The following SHANK2 variants were observed in gnomAD, a reference collection of about 807,000 sequenced individuals.
The protein encoded by SHANK2 is SH3 and multiple ankyrin repeat domains protein 2.
A neutral mutation model predicts 133.7 loss-of-function variants in SHANK2; 43 were observed. The observed-to-expected ratio is 0.32, with a 90% CI of 0.25 to 0.41. SHANK2 has a LOEUF of 0.41. SHANK2 is among the 10% of genes least tolerant of loss of function. The pLI is 1.00. For missense variants in SHANK2, 1,994 were observed against 2,235.8 expected, an observed-to-expected ratio of 0.89 and a Z score of 2.18; for synonymous variants, 1,017 against 952.8, an observed-to-expected ratio of 1.07 and a Z score of -1.24.
intron 16 of SHANK2, 53 bp from the exon 17 acceptor site, chr11:70,660,005 C>G: frequency 6.2e-7 from 1 of 1,613,362 alleles, no homozygotes; most frequent in South Asian, 1.1e-5. Flanking sequence ...CTTCCAAGTT[C>G]ACATTGCCTG....
intron 17 of SHANK2, among the ~76,000 whole-genome samples, chr11:70,545,203 G>C (rs981705823): frequency 3.3e-5 from 5 of 152,360 alleles, no homozygotes; most frequent in South Asian, 2.1e-4. Flanking sequence ...CCCTGGGCTC[G>C]CGCTGTCTGA....
At chr11:70,607,870 T>A (rs1390785065) in intron 17 of SHANK2, among the ~76,000 whole-genome samples, 1 of 152,192 alleles carries the variant, frequency 6.6e-6, no homozygotes, top group Non-Finnish European at 1.5e-5. Context: ...GAGTATTCTG[T>A]CTCTTGGACA....
intron 11 of SHANK2, among the ~76,000 whole-genome samples, chr11:70,870,709 G>A (rs1949445453): frequency 6.6e-6 from 1 of 152,232 alleles, no homozygotes; most frequent in Non-Finnish European, 1.5e-5. Context: ...ATCACCCAGA[G>A]CTCTGCCTTC....
chr11:71,121,722 C>T (rs1323225359), intron 3 of SHANK2, among the ~76,000 whole-genome samples: 2 of 152,110 alleles, frequency 1.3e-5, no homozygotes, highest in African/African-American at 4.8e-5. Context: ...GTCTTTAATC[C>T]ATCGTGAATT....
intron 14 of SHANK2, among the ~76,000 whole-genome samples, chr11:70,736,691 T>C (rs1946411551): frequency 6.6e-6 from 1 of 152,192 alleles, no homozygotes. Flanking sequence ...TCTGCTGTTC[T>C]GAGCCACCCA....
At chr11:71,168,386 G>T (rs1400590738) in intron 2 of SHANK2, among the ~76,000 whole-genome samples, 2 of 150,270 alleles carry the variant, frequency 1.3e-5, no homozygotes, top group East Asian at 4.0e-4. Context: ...GACGATGGGC[G>T]GCCGGGCAGA....
chr11:70,901,011 G>A (rs574817111), intron 10 of SHANK2, among the ~76,000 whole-genome samples: 8 of 152,292 alleles, frequency 5.3e-5, no homozygotes, highest in African/African-American at 1.7e-4. Flanking sequence ...AGACACAGCC[G>A]AGGCTCAGGT....
At chr11:71,141,818 C>T (rs1440121670) in intron 3 of SHANK2, among the ~76,000 whole-genome samples, 1 of 152,178 alleles carries the variant, frequency 6.6e-6, no homozygotes, top group Admixed American at 6.5e-5. Context: ...GGAATTCACC[C>T]ATGCACTATG....
intron 9 of SHANK2, among the ~76,000 whole-genome samples, chr11:71,071,162 A>G (rs1951136774): frequency 6.6e-6 from 1 of 152,352 alleles, no homozygotes; most frequent in African/African-American, 2.4e-5. Flanking sequence ...CATCCAAAGC[A>G]GTAATTAGGA....
intron 17 of SHANK2, among the ~76,000 whole-genome samples, chr11:70,556,171 A>G (rs2059826376): frequency 6.6e-6 from 1 of 152,202 alleles, no homozygotes. Context: ...AGTTTCCTCC[A>G]TATATTTTGT....
intron 15 of SHANK2, among the ~76,000 whole-genome samples, chr11:70,684,325 G>C (rs183378021): frequency 2.4e-4 from 36 of 152,290 alleles, no homozygotes; most frequent in African/African-American, 7.5e-4. Context: ...GGGAGGCAGA[G>C]GTGGGAGGAT....
At chr11:70,897,201 T>C (rs1257084424) in intron 10 of SHANK2, among the ~76,000 whole-genome samples, 7 of 152,016 alleles carry the variant, frequency 4.6e-5, no homozygotes, top group Non-Finnish European at 7.4e-5. Context: ...AAGCCAAGTA[T>C]CCTAGGATGG....
chr11:70,560,138 C>T (rs954937770), intron 17 of SHANK2, among the ~76,000 whole-genome samples: 1 of 152,146 alleles, frequency 6.6e-6, no homozygotes, highest in African/African-American at 2.4e-5. Context: ...TCCCAAAGTG[C>T]TTGGATTACA....
At chr11:70,710,110 AC>A (rs1591772573) in intron 14 of SHANK2, among the ~76,000 whole-genome samples, 1 of 151,986 alleles carries the variant, frequency 6.6e-6, no homozygotes, top group Admixed American at 6.5e-5. Flanking sequence ...TGCACTGAAA[AC>A]CCCTGTCCTG....
intron 11 of SHANK2, among the ~76,000 whole-genome samples, chr11:70,861,362 A>C (rs1949255680): frequency 6.6e-6 from 1 of 152,320 alleles, no homozygotes; most frequent in African/African-American, 2.4e-5. Context: ...CTGATGCCTC[A>C]AAAGTGTATT....
Position 71,238,047 on chromosome 11 carries a change from G to T in SHANK2, c.-112-13251C>A, listed in dbSNP as rs536129775. ...GCATACATGCACACACGGACTGAGG[G>T]TGGGACTCAGGGGGCCCCCAATGTT... On this transcript the variant is annotated intron_variant, in intron 1 of 25. Coordinates refer to ENST00000601538, the MANE Select transcript of SHANK2 (RefSeq NM_012309.5). Among the ~76,000 whole-genome samples, 4 of 152,306 alleles carry T rather than the reference G, an allele frequency of 2.6e-5. No individual in the cohort carries two copies. The East Asian group carries it at 7.7e-4, about 29-fold the overall frequency.
chr11:70,828,979 G>T (rs1472549734), intron 11 of SHANK2, among the ~76,000 whole-genome samples: 2 of 152,240 alleles, frequency 1.3e-5, no homozygotes, highest in African/African-American at 4.8e-5. Flanking sequence ...ATGGTGTGGG[G>T]AGAGCCTGCA....
chr11:70,749,697 T>C (rs572119808), intron 14 of SHANK2, among the ~76,000 whole-genome samples: 1 of 152,084 alleles, frequency 6.6e-6, no homozygotes, highest in South Asian at 2.1e-4. Flanking sequence ...AATGTTAAAG[T>C]TGAAAAACAC....
chr11:70,624,301 G>A (rs1471456127), intron 17 of SHANK2, among the ~76,000 whole-genome samples: 3 of 152,038 alleles, frequency 2.0e-5, no homozygotes, highest in African/African-American at 4.8e-5. Context: ...TGGAGGAGGT[G>A]GGAATGGAGC....
Sources: gnomAD v4.1 joint callset for allele counts (sites outside exome capture counted in the v4.1 genomes callset) on GRCh38, gnomAD v4.1.1 for gene constraint, MANE v1.5 for transcripts, NCBI Gene and HGNC (gene_info 2026-07-23, HGNC 2026-07-21) for gene names.